Variants in PDE10A observed in about 807,000 individuals in gnomAD.
PDE10A encodes the protein cAMP and cAMP-inhibited cGMP 3',5'-cyclic phosphodiesterase 10A.
In PDE10A, 39 loss-of-function variants were observed where a neutral mutation model predicts 97.7. The ratio of observed to expected loss-of-function variants is 0.40; its 90% CI spans 0.31 to 0.52. The LOEUF (loss-of-function observed/expected upper bound fraction) is 0.52. Among genes scored for constraint, PDE10A ranks in the 20% least tolerant of loss-of-function variants. PDE10A has a pLI of 0.56. For synonymous variants in PDE10A, 371 were observed against 376.8 expected, an observed-to-expected ratio of 0.98 and a Z score of 0.18; for missense variants, 731 against 1,047.8, an observed-to-expected ratio of 0.70 and a Z score of 4.17.
chr6:165,568,896 T>G (rs569047738), intron 1 of PDE10A, among the ~76,000 whole-genome samples: 1 of 152,322 alleles, frequency 6.6e-6, no homozygotes, highest in South Asian at 2.1e-4. Flanking sequence ...AAAGACACTA[T>G]TCTGGAAAAT....
chr6:165,677,070 C>A (rs967578943), intron 1 of PDE10A, among the ~76,000 whole-genome samples: 2 of 152,240 alleles, frequency 1.3e-5, no homozygotes, highest in African/African-American at 4.8e-5. Context: ...TTGGCTGGGC[C>A]ACATGGCCTG....
At chr6:165,623,941 C>T (rs1788268255) in intron 1 of PDE10A, among the ~76,000 whole-genome samples, 1 of 152,222 alleles carries the variant, frequency 6.6e-6, no homozygotes, top group Non-Finnish European at 1.5e-5. Context: ...GGTTGCCTGC[C>T]AGACATCTCC....
At chr6:165,903,248 A>G (rs950013652) in intron 1 of PDE10A, among the ~76,000 whole-genome samples, 3 of 152,206 alleles carry the variant, frequency 2.0e-5, no homozygotes, top group Non-Finnish European at 4.4e-5. Flanking sequence ...ATGGTATTTC[A>G]TATGGTTTCA....
chr6:165,705,989 G>T (rs1283982477), intron 1 of PDE10A, among the ~76,000 whole-genome samples: 1 of 152,168 alleles, frequency 6.6e-6, no homozygotes, highest in African/African-American at 2.4e-5. Flanking sequence ...CCAACAACTT[G>T]GGGGAAAAGA....
intron 18 of PDE10A, among the ~76,000 whole-genome samples, chr6:165,364,272 T>G (rs958848762): frequency 1.3e-5 from 2 of 152,176 alleles, no homozygotes; most frequent in South Asian, 2.1e-4. Context: ...CCCTCATGAA[T>G]GGGATTAGTT....
intron 1 of PDE10A, among the ~76,000 whole-genome samples, chr6:165,901,625 A>T (rs1008360809): frequency 6.6e-6 from 1 of 152,122 alleles, no homozygotes; most frequent in Non-Finnish European, 1.5e-5. Flanking sequence ...CAACACGGAG[A>T]AACTCTGTCT....
At chr6:165,580,351 A>G (rs987973981) in intron 1 of PDE10A, among the ~76,000 whole-genome samples, 3 of 152,178 alleles carry the variant, frequency 2.0e-5, no homozygotes, top group Non-Finnish European at 4.4e-5. Context: ...ACAGCATGAG[A>G]AGGTAGTGAT....
intron 1 of PDE10A, among the ~76,000 whole-genome samples, chr6:165,572,008 C>T (rs1785070858): frequency 6.6e-6 from 1 of 152,220 alleles, no homozygotes; most frequent in African/African-American, 2.4e-5. Flanking sequence ...ACTTACTGCA[C>T]AGAGCAGTGA....
At chr6:165,379,492 G>T in intron 17 of PDE10A, 126 bp from the exon 18 acceptor site, 1 of 699,036 alleles carries the variant, frequency 1.4e-6, no homozygotes, top group Non-Finnish European at 2.2e-6. Flanking sequence ...AGGTTTTGGG[G>T]TAACTTTTGT....
intron 1 of PDE10A, among the ~76,000 whole-genome samples, chr6:165,744,401 C>G (rs1269281731): frequency 6.6e-6 from 1 of 152,044 alleles, no homozygotes; most frequent in East Asian, 1.9e-4. Flanking sequence ...ATTGACACAT[C>G]ATTATTTGTA....
intron 2 of PDE10A, among the ~76,000 whole-genome samples, chr6:165,542,071 C>G (rs921249278): frequency 1.3e-5 from 2 of 152,064 alleles, no homozygotes; most frequent in Non-Finnish European, 2.9e-5. Flanking sequence ...TAAGATAACA[C>G]CTTTTTACAC....
chr6:165,620,902 T>A (rs1458330948), intron 1 of PDE10A, among the ~76,000 whole-genome samples: 1 of 151,438 alleles, frequency 6.6e-6, no homozygotes, highest in East Asian at 1.9e-4. Context: ...GCACCTGTAG[T>A]CCCAGCTACT....
intron 1 of PDE10A, among the ~76,000 whole-genome samples, chr6:165,575,971 C>T (rs1785282558): frequency 1.3e-5 from 2 of 152,160 alleles, no homozygotes; most frequent in African/African-American, 2.4e-5. Flanking sequence ...CTTCATCTCC[C>T]TTGGTCTCAG....
At chr6:165,675,376 A>C (rs1790765697) in intron 1 of PDE10A, among the ~76,000 whole-genome samples, 1 of 152,218 alleles carries the variant, frequency 6.6e-6, no homozygotes, top group Admixed American at 6.5e-5. Context: ...GTCTATATAC[A>C]AGAGTTTATT....
At chr6:165,341,604 C>A (rs1781975343) in intron 19 of PDE10A, among the ~76,000 whole-genome samples, 1 of 152,152 alleles carries the variant, frequency 6.6e-6, no homozygotes. Flanking sequence ...ACGATCCTTA[C>A]ACGGGATTCA....
rs137952029 is a variant in PDE10A at position 165,558,665 on chromosome 6, T to G, written c.866-15097A>C. On this transcript the variant is annotated intron_variant, in intron 1 of 21. Transcript: ENST00000539869. ...CTATAAAAGGACATTACTATTTATA[T>G]TTCCCCAATGCAATGTAATTCATTT... 3.3e-3 allele frequency among the ~76,000 whole-genome samples: 496 copies of G among 152,332 alleles called. 4 individuals are homozygous for G. The highest frequency in any genetic ancestry group is 0.011 in the African/African-American group (476 of 41,578).
chr6:165,764,057 T>A (rs1440476558), intron 1 of PDE10A, among the ~76,000 whole-genome samples: 1 of 152,204 alleles, frequency 6.6e-6, no homozygotes, highest in African/African-American at 2.4e-5. Flanking sequence ...TGCCTTTACA[T>A]CACAAAATTC....
At chr6:165,507,727 C>T (rs916743662) in intron 2 of PDE10A, among the ~76,000 whole-genome samples, 5 of 152,132 alleles carry the variant, frequency 3.3e-5, no homozygotes, top group South Asian at 2.1e-4. Flanking sequence ...TGGGAATTAT[C>T]GAGTTCTACT....
At chr6:165,448,497 A>C (rs1170543130) in intron 5 of PDE10A, among the ~76,000 whole-genome samples, 1 of 152,118 alleles carries the variant, frequency 6.6e-6, no homozygotes, top group Non-Finnish European at 1.5e-5. Flanking sequence ...AAGCCCTAGG[A>C]CTTTTAGAGT....
Sources: allele counts gnomAD v4.1 joint callset (sites outside exome capture counted in the v4.1 genomes callset), GRCh38; gene constraint gnomAD v4.1.1; transcripts MANE v1.5; gene names NCBI Gene and HGNC (gene_info 2026-07-23, HGNC 2026-07-21).